The following RSU1 variants were observed in gnomAD, a reference collection of about 807,000 sequenced individuals.
The protein encoded by RSU1 is rsu-1.
Under a neutral mutation model 31.1 loss-of-function variants are expected in RSU1, and 26 were observed. The ratio of observed to expected loss-of-function variants is 0.84; its 90% CI spans 0.61 to 1.16. The LOEUF is 1.16. Among genes scored for constraint, RSU1 ranks in the 50% most tolerant of loss-of-function variants. The pLI, the probability that RSU1 is intolerant of heterozygous loss-of-function variation, is 0.00. For missense variants in RSU1, 320 were observed against 339.1 expected, an observed-to-expected ratio of 0.94 and a Z score of 0.44; for synonymous variants, 164 against 136.3, an observed-to-expected ratio of 1.20 and a Z score of -1.41.
At chr10:16,711,510 A>G (rs768192699) in intron 7 of RSU1, among the ~76,000 whole-genome samples, 12 of 152,042 alleles carry the variant, frequency 7.9e-5, no homozygotes, top group Non-Finnish European at 1.3e-4. Context: ...CTTCTTTTCT[A>G]ATGTAGCTGT....
chr10:16,593,416 G>A lies in RSU1; in HGVS notation c.812C>T (p.Pro271Leu). Residue 271 changes from proline to leucine, a missense_variant, in exon 9 of 9, where the codon CCC becomes CTC. By Grantham distance (98) the Pro-to-Leu change is moderately conservative. Coordinates refer to ENST00000345264, the MANE Select transcript of RSU1 (RefSeq NM_012425.4). ...TCCTTATCTGTTCTTGGCTGCCAGG[G>A]GTTTCCGGCTGATCTTTTTCGATTT... The part of the protein sequence containing the change: ...NDKSKKISRK[P>L]LAAKNR 6.2e-7 allele frequency: 1 copy of A among 1,614,130 alleles called. No homozygotes were observed. The highest frequency in any genetic ancestry group is 8.5e-7 in the Non-Finnish European group (1 of 1,180,002).
intron 7 of RSU1, among the ~76,000 whole-genome samples, chr10:16,730,198 C>A (rs532766210): frequency 1.2e-3 from 185 of 152,260 alleles, no homozygotes; most frequent in African/African-American, 4.4e-3. Flanking sequence ...TCACTGGTTA[C>A]CATGAGGACA....
intron 8 of RSU1, among the ~76,000 whole-genome samples, chr10:16,620,578 G>A (rs1834051477): frequency 2.7e-5 from 4 of 149,766 alleles, no homozygotes; most frequent in Admixed American, 2.6e-4. Flanking sequence ...AAAAAGTCTC[G>A]CTCATGCCTG....
intron 7 of RSU1, among the ~76,000 whole-genome samples, chr10:16,716,832 T>C (rs1836151790): frequency 6.6e-6 from 1 of 151,590 alleles, no homozygotes; most frequent in East Asian, 1.9e-4. Context: ...GATACCTTCA[T>C]AGGAGACAAG....
intron 5 of RSU1, among the ~76,000 whole-genome samples, chr10:16,754,173 G>T (rs1837035358): frequency 6.6e-6 from 1 of 152,190 alleles, no homozygotes; most frequent in African/African-American, 2.4e-5. Context: ...TGAAAATTCA[G>T]ATTTTCTGAA....
chr10:16,764,209 C>G (rs1837265616), intron 4 of RSU1, among the ~76,000 whole-genome samples, 181 bp downstream of exon 4: 1 of 152,104 alleles, frequency 6.6e-6, no homozygotes. Context: ...CAAATATGCA[C>G]TAATGTAGGC....
At chr10:16,688,598 G>A (rs751624732) in intron 8 of RSU1, among the ~76,000 whole-genome samples, 1 of 152,100 alleles carries the variant, frequency 6.6e-6, no homozygotes, top group African/African-American at 2.4e-5. Context: ...GACAGAGCGA[G>A]ACTCCGTCTC....
intron 8 of RSU1, among the ~76,000 whole-genome samples, chr10:16,627,787 T>C (rs1437685446): frequency 7.0e-6 from 1 of 142,894 alleles, no homozygotes; most frequent in Non-Finnish European, 1.5e-5. Flanking sequence ...AAAAAAGAAG[T>C]AACCGAATTA....
At chr10:16,666,430 TGAAG>T (rs1834989338) in intron 8 of RSU1, among the ~76,000 whole-genome samples, 1 of 152,208 alleles carries the variant, frequency 6.6e-6, no homozygotes, top group Non-Finnish European at 1.5e-5. Context: ...CATGTTGATC[TGAAG>T]ATACTTACTT....
chr10:16,817,239 T>TGGGTAGGGCAGG, intron 1 of RSU1, 76 bp downstream of exon 1: 1 of 607,102 alleles, frequency 1.6e-6, no homozygotes, highest in Non-Finnish European at 3.0e-6. Context: ...GGGGAGGGGA[T>TGGGTAGGGCAGG]GGAGTGGGAA....
At chr10:16,762,722 T>A (rs1034774748) in intron 4 of RSU1, among the ~76,000 whole-genome samples, 11 of 152,146 alleles carry the variant, frequency 7.2e-5, no homozygotes, top group African/African-American at 2.4e-4. Context: ...TTTTCATGAC[T>A]GCTCCCTATT....
intron 7 of RSU1, among the ~76,000 whole-genome samples, chr10:16,722,937 TAC>T (rs1787639921): frequency 6.7e-6 from 1 of 150,178 alleles, no homozygotes; most frequent in South Asian, 2.1e-4. Context: ...TACACACATA[TAC>T]ATATATGTAT....
At chr10:16,693,868 A>AAATT (rs935613866) in intron 8 of RSU1, among the ~76,000 whole-genome samples, 1 of 152,116 alleles carries the variant, frequency 6.6e-6, no homozygotes, top group African/African-American at 2.4e-5. Context: ...CTCTTAAAAA[A>AAATT]AATTAATTAA....
At chr10:16,731,973 G>T (rs1241635326) in intron 7 of RSU1, among the ~76,000 whole-genome samples, 2 of 152,114 alleles carry the variant, frequency 1.3e-5, no homozygotes, top group Non-Finnish European at 2.9e-5. Context: ...AGAATCTATG[G>T]CTTTCATTGA....
At chr10:16,776,500 A>G (rs1337307458) in intron 3 of RSU1, among the ~76,000 whole-genome samples, 1 of 152,024 alleles carries the variant, frequency 6.6e-6, no homozygotes, top group East Asian at 1.9e-4. Context: ...TTAAAAAAAA[A>G]AAACCCACAT....
chr10:16,630,928 CCTT>C (rs1834235164), intron 8 of RSU1, among the ~76,000 whole-genome samples: 1 of 152,238 alleles, frequency 6.6e-6, no homozygotes, highest in East Asian at 1.9e-4. Context: ...CTTCTCTAAA[CCTT>C]CTCACTGCGA....
intron 8 of RSU1, among the ~76,000 whole-genome samples, chr10:16,683,781 C>T (rs1835382508): frequency 6.6e-6 from 1 of 152,184 alleles, no homozygotes; most frequent in Non-Finnish European, 1.5e-5. Context: ...AGGCATGAGA[C>T]ATCAATCAAA....
At chr10:16,634,045 T>C (rs1423371130) in intron 8 of RSU1, among the ~76,000 whole-genome samples, 4 of 152,210 alleles carry the variant, frequency 2.6e-5, no homozygotes, top group Non-Finnish European at 5.9e-5. Flanking sequence ...CCTCTATTTA[T>C]CAGACAGCTT....
intron 8 of RSU1, among the ~76,000 whole-genome samples, chr10:16,647,444 T>C (rs772541660): frequency 6.6e-6 from 1 of 152,174 alleles, no homozygotes; most frequent in Non-Finnish European, 1.5e-5. Flanking sequence ...CAAAAACTTG[T>C]ACGGAAATGT....
Sources: gnomAD v4.1 joint callset for allele counts (sites outside exome capture counted in the v4.1 genomes callset) on GRCh38, gnomAD v4.1.1 for gene constraint, MANE v1.5 for transcripts, NCBI Gene and HGNC (gene_info 2026-07-23, HGNC 2026-07-21) for gene names.